PGAP2: variants seen among roughly 807,000 people sequenced by gnomAD.
PGAP2 encodes the protein acyltransferase PGAP2.
A neutral mutation model predicts 33.2 loss-of-function variants in PGAP2; 21 were observed. The observed-to-expected ratio is 0.63, with a 90% CI of 0.45 to 0.91. The LOEUF (loss-of-function observed/expected upper bound fraction) is 0.91. Among genes scored for constraint, PGAP2 ranks in the 40% least tolerant of loss-of-function variants. The pLI is 0.00. For synonymous variants in PGAP2, 161 were observed against 172.9 expected, an observed-to-expected ratio of 0.93 and a Z score of 0.54; for missense variants, 345 against 424.0, an observed-to-expected ratio of 0.81 and a Z score of 1.64.
rs1004692110 is a variant in PGAP2 at position 3,823,571 on chromosome 11, G to A, written c.349-312G>A. 3.3e-6 allele frequency: 5 copies of A among 1,535,018 alleles called. No homozygotes were observed. In the African/African-American group the frequency reaches 6.9e-5, roughly 21 times the overall value. ...GTGGAGGCACAGCTCTGAGCTATGG[G>A]TGTAGAGCATCTGAACCCATCTACA... On this transcript the variant is annotated intron_variant, in intron 3 of 6. Transcript: ENST00000278243.
At chr11:3,797,725 G>T, upstream of PGAP2, 3 of 1,143,858 alleles carry the variant, frequency 2.6e-6, no homozygotes, top group South Asian at 4.6e-5. Flanking sequence ...GGGGCAGAAG[G>T]AGTTCGGGGA....
At chr11:3,818,608 T>G (rs900360962) in intron 3 of PGAP2, among the ~76,000 whole-genome samples, 1 of 152,184 alleles carries the variant, frequency 6.6e-6, no homozygotes, top group Non-Finnish European at 1.5e-5. Flanking sequence ...CCCCACCACC[T>G]GTATCCACTC....
upstream of PGAP2, among the ~76,000 whole-genome samples, chr11:3,803,947 C>A (rs1057290297): frequency 6.6e-6 from 1 of 151,916 alleles, no homozygotes; most frequent in African/African-American, 2.4e-5. Context: ...CGTGCCACCA[C>A]GCCTGGCTAA....
chr11:3,816,694 C>T (rs73421070), intron 2 of PGAP2, among the ~76,000 whole-genome samples: 7,274 of 152,264 alleles, frequency 0.048, 589 homozygotes, highest in African/African-American at 0.17. Context: ...TGGCCTGAGG[C>T]TTGGATCATT....
chr11:3,824,515 GGGGCTT>G lies in PGAP2; in HGVS notation c.708+143_708+148del, dbSNP rs945311400. The G allele has an allele frequency of 6.0e-6, 8 of 1,329,704 alleles. No individual in the cohort carries two copies. In the African/African-American group the frequency reaches 1.0e-4, roughly 17 times the overall value. The allele number at this position is 1,329,704 out of a possible 1,614,324, so 82.4% of individuals were successfully genotyped here. A position where few individuals can be genotyped will look rare whatever the true frequency, so the allele number is the denominator to read the frequency against. On this transcript the variant is annotated intron_variant, in intron 5 of 6. Coordinates refer to ENST00000278243, the MANE Select transcript of PGAP2 (RefSeq NM_014489.4). ...GCAGAGGGGTGCTGGGGTTGGGGCT[GGGGCTT>G]GGGAACAAACTGAGGGTGGTTGGTC...
At chr11:3,821,402 A>G (rs1225308089) in intron 3 of PGAP2, among the ~76,000 whole-genome samples, 1 of 152,256 alleles carries the variant, frequency 6.6e-6, no homozygotes, top group African/African-American at 2.4e-5. Context: ...GGAGGTCTGC[A>G]GAAGTGCACA....
At chr11:3,825,294 TCAC>T in intron 6 of PGAP2, 31 bp from the exon 7 acceptor site, 1 of 1,604,838 alleles carries the variant, frequency 6.2e-7, no homozygotes, top group Non-Finnish European at 8.5e-7. Context: ...AGCTGGAAGT[TCAC>T]CATGTCCTGT....
At chr11:3,797,802 G>T, upstream of PGAP2, 1 of 1,544,870 alleles carries the variant, frequency 6.5e-7, no homozygotes, top group Non-Finnish European at 8.7e-7. Context: ...TGGCGGGAGC[G>T]TGTCGTGACG....
At chr11:3,805,650 C>G (rs1211871966), upstream of PGAP2, among the ~76,000 whole-genome samples, 1 of 150,016 alleles carries the variant, frequency 6.7e-6, no homozygotes, top group African/African-American at 2.4e-5. Context: ...AGGAGGATCG[C>G]TTGAGCCTAG....
In PGAP2 at chr11:3,825,491, A is replaced by G. The variant is rs749625324; in HGVS notation, c.*33A>G. ...AGTCCTGCTTGGGAGGACGCAGCCC[A>G]CTGCCCAGAAACAAGAAACACGATA... On this transcript the variant is annotated 3_prime_UTR_variant, in exon 7 of 7. Transcript: ENST00000278243. 1 of 1,603,846 alleles carries G rather than the reference A, an allele frequency of 6.2e-7. No individual in the cohort carries two copies. The highest frequency in any genetic ancestry group is 2.2e-5 in the East Asian group (1 of 44,786).
intron 3 of PGAP2, among the ~76,000 whole-genome samples, chr11:3,821,468 C>T (rs2088611082): frequency 6.6e-6 from 1 of 152,182 alleles, no homozygotes; most frequent in Admixed American, 6.5e-5. Context: ...TTTAAAAATC[C>T]ATATTCTTGC....
intron 1 of PGAP2, among the ~76,000 whole-genome samples, chr11:3,809,172 C>A (rs749565460): frequency 6.6e-6 from 1 of 152,096 alleles, no homozygotes; most frequent in African/African-American, 2.4e-5. Flanking sequence ...GGTTCAGACT[C>A]GAGGCTGAGG....
At chr11:3,813,553 T>C (rs1288317578) in intron 2 of PGAP2, among the ~76,000 whole-genome samples, 1 of 152,024 alleles carries the variant, frequency 6.6e-6, no homozygotes, top group East Asian at 1.9e-4. Context: ...CCAGCTAATT[T>C]TTGTGTATGT....
At chr11:3,802,913 G>A (rs1459193216) in intron 1 of PGAP2, among the ~76,000 whole-genome samples, 1 of 147,648 alleles carries the variant, frequency 6.8e-6, no homozygotes, top group East Asian at 2.0e-4. Context: ...TGCAAGCTCC[G>A]CCTCCCGGGT....
intron 3 of PGAP2, chr11:3,822,845 A>T: frequency 1.1e-6 from 1 of 881,346 alleles, no homozygotes; most frequent in Non-Finnish European, 1.8e-6. Context: ...CCATCCTTTC[A>T]CCTCTCAAAC....
Position 3,824,002 on chromosome 11 carries a change from C to T in PGAP2, c.468C>T (p.Tyr156=). 1 of 1,614,038 alleles carries T rather than the reference C, an allele frequency of 6.2e-7. No homozygotes were observed. Among genetic ancestry groups the T allele is most frequent in the South Asian group, 1.1e-5 (1 of 91,078 alleles). Reference sequence around the variant, plus strand: ...CTCGCTTCTTGGTGGCCTTCGCCTACTGGAACCACTACCTCAGCTGCACCT... The same window carrying T: ...CTCGCTTCTTGGTGGCCTTCGCCTATTGGAACCACTACCTCAGCTGCACCT... The part of the protein sequence containing the change: ...SAPRFLVAFA[Y]WNHYLSCTSP... Residue 156 remains tyrosine (Y), a synonymous_variant, in exon 4 of 7, where the codon TAC becomes TAT. Coordinates refer to ENST00000278243, the MANE Select transcript of PGAP2 (RefSeq NM_014489.4).
rs1043984215 is a variant in PGAP2, at chr11:3,808,574, C to T, written c.-88C>T. The stretch of plus-strand genomic sequence containing the variant: ...CCGCCCCCGCCGTTCGCGCTCTGAC[C>T]AGCCCGCAGAGCCAGCCCCCGACCC... On this transcript the variant is annotated 5_prime_UTR_variant, in exon 1 of 7. Transcript: ENST00000278243. 4 of 1,374,190 alleles carry T rather than the reference C, an allele frequency of 2.9e-6. No homozygotes were observed. The highest frequency in any genetic ancestry group is 3.8e-6 in the Non-Finnish European group (4 of 1,064,972). The allele number at this position is 1,374,190 out of a possible 1,614,324, so 85.1% of individuals were successfully genotyped here.
At chr11:3,797,774 G>A, upstream of PGAP2, 2 of 1,531,294 alleles carry the variant, frequency 1.3e-6, no homozygotes, top group South Asian at 1.2e-5. Context: ...GTGGAGTCCC[G>A]CCCCTCGCCG....
chr11:3,797,880 A>G (rs1355039289), exon 1 of PGAP2: 6 of 1,550,072 alleles, frequency 3.9e-6, no homozygotes, highest in African/African-American at 2.7e-5. Flanking sequence ...GGTGTCGGGA[A>G]GGGTGGTGAC....
Sources: allele counts gnomAD v4.1 joint callset (sites outside exome capture counted in the v4.1 genomes callset), GRCh38; gene constraint gnomAD v4.1.1; transcripts MANE v1.5; gene names NCBI Gene and HGNC (gene_info 2026-07-23, HGNC 2026-07-21).